The following PIEZO2 variants were observed in gnomAD, a reference collection of about 807,000 sequenced individuals.
The protein encoded by PIEZO2 is piezo-type mechanosensitive ion channel component 2.
A neutral mutation model predicts 337.3 loss-of-function variants in PIEZO2; 172 were observed. The observed-to-expected ratio is 0.51, with a 90% CI of 0.45 to 0.58. The LOEUF is 0.58. PIEZO2 is among the 20% of genes least tolerant of loss of function. PIEZO2 has a pLI of 0.00. For missense variants in PIEZO2, 3,028 were observed against 3,391.3 expected (o/e 0.89, Z 2.66); for synonymous variants, 1,251 against 1,228.5 (o/e 1.02, Z -0.38).
intron 52 of PIEZO2, among the ~76,000 whole-genome samples, chr18:10,678,441 T>A (rs569961): frequency 0.78 from 118,047 of 152,000 alleles, 46,073 homozygotes; most frequent in Admixed American, 0.81. Flanking sequence ...CCCCACTTTG[T>A]ATTTTTTTTA....
In PIEZO2 at chr18:11,078,286, A is replaced by T. The variant is rs1164306486; in HGVS notation, c.65-12064T>A. 6.6e-6 allele frequency among the ~76,000 whole-genome samples: 1 copy of T among 152,212 alleles called. No homozygotes were observed. The highest frequency in any genetic ancestry group is 1.5e-5 in the Non-Finnish European group (1 of 68,032). Reference sequence around the variant, plus strand: ...CTACTTTCAAGAACTTAGTAAAAATAGAATTTTTTGTAGACTTTTACTGTA... The same window carrying T: ...CTACTTTCAAGAACTTAGTAAAAATTGAATTTTTTGTAGACTTTTACTGTA... On this transcript the variant is annotated intron_variant, in intron 1 of 55. Transcript: ENST00000674853. The surrounding 1 kb of genome is among the most constrained non-coding windows in gnomAD (Gnocchi z 5.3).
At chr18:10,842,833 TAAG>T (rs578099602) in intron 7 of PIEZO2, among the ~76,000 whole-genome samples, 3 of 152,352 alleles carry the variant, frequency 2.0e-5, no homozygotes, top group Non-Finnish European at 2.9e-5. Context: ...ATAAAGCTGT[TAAG>T]AAAAACTCAA....
rs2038352753 is a variant in PIEZO2, at chr18:10,766,286, AG to A, written c.2947-3189del. Among the ~76,000 whole-genome samples the A allele has an allele frequency of 6.6e-6, 1 of 151,266 alleles. No homozygotes were observed. Among genetic ancestry groups the A allele is most frequent in the Admixed American group, 6.6e-5 (1 of 15,140 alleles). On this transcript the variant is annotated intron_variant, in intron 21 of 55. Transcript: ENST00000674853. The surrounding 1 kb of genome is among the most constrained non-coding windows in gnomAD (Gnocchi z 6.1). Reference sequence around the variant, plus strand: ...GAGGAAGGAGAAAAGGGGAGAGAGAAGGGGAAGCAGAAAGGAGGGGAAGGGG... The same window carrying A: ...GAGGAAGGAGAAAAGGGGAGAGAGAAGGGAAGCAGAAAGGAGGGGAAGGGG...
intron 2 of PIEZO2, among the ~76,000 whole-genome samples, chr18:11,058,633 A>T (rs1344921991): frequency 6.6e-6 from 1 of 152,242 alleles, no homozygotes; most frequent in Non-Finnish European, 1.5e-5. Flanking sequence ...TGAATGCACA[A>T]GCTTCAGTAG....
At chr18:11,075,851 C>G (rs1316681756) in intron 1 of PIEZO2, among the ~76,000 whole-genome samples, 1 of 147,268 alleles carries the variant, frequency 6.8e-6, no homozygotes, top group East Asian at 2.0e-4. Context: ...TGCAGTGGCG[C>G]GATCTCCGCT....
intron 5 of PIEZO2, among the ~76,000 whole-genome samples, chr18:10,865,940 T>G (rs973220561): frequency 6.6e-6 from 1 of 152,186 alleles, no homozygotes; most frequent in African/African-American, 2.4e-5. Flanking sequence ...GCAATTCAAA[T>G]GCATGAAATC....
At chr18:10,871,873 C>T (rs1306958458) in intron 4 of PIEZO2, among the ~76,000 whole-genome samples, 1 of 152,096 alleles carries the variant, frequency 6.6e-6, no homozygotes, top group Admixed American at 6.6e-5. Context: ...ATTTTGTATA[C>T]TTGGTTGATT....
chr18:11,053,367 A>AC (rs1360915603), intron 2 of PIEZO2, among the ~76,000 whole-genome samples: 1 of 152,224 alleles, frequency 6.6e-6, no homozygotes, highest in Admixed American at 6.5e-5. Context: ...GGCTATAGTC[A>AC]CACAAATGAG....
intron 2 of PIEZO2, among the ~76,000 whole-genome samples, chr18:10,997,729 A>G (rs1357973269): frequency 1.3e-5 from 2 of 152,208 alleles, no homozygotes; most frequent in African/African-American, 4.8e-5. Context: ...TCTGAAGAAC[A>G]GAGAGCAAAA....
At chr18:10,928,354 G>A (rs1027827352) in intron 3 of PIEZO2, among the ~76,000 whole-genome samples, 3 of 152,140 alleles carry the variant, frequency 2.0e-5, no homozygotes, top group Non-Finnish European at 4.4e-5. Flanking sequence ...CAAGCAAAGA[G>A]GGGCTGTTGG....
At chr18:10,711,784 C>T (rs896514547) in intron 39 of PIEZO2, among the ~76,000 whole-genome samples, 8 of 152,104 alleles carry the variant, frequency 5.3e-5, no homozygotes, top group South Asian at 2.1e-4. Flanking sequence ...TTCTTCACCG[C>T]GCAGGAGGAA....
intron 3 of PIEZO2, among the ~76,000 whole-genome samples, chr18:10,923,763 C>A (rs1022893741): frequency 2.6e-5 from 4 of 152,156 alleles, no homozygotes; most frequent in African/African-American, 9.7e-5. Flanking sequence ...AAATGAAGTA[C>A]CCATGCCTGC....
At chr18:10,681,559 TC>T in intron 51 of PIEZO2, 101 bp downstream of exon 51, 1 of 941,238 alleles carries the variant, frequency 1.1e-6, no homozygotes, top group East Asian at 2.4e-5. Context: ...TGAAAAGTCC[TC>T]CTTCCCACCA....
At chr18:11,147,817 C>T (rs1040575329) in intron 1 of PIEZO2, among the ~76,000 whole-genome samples, 1 of 152,258 alleles carries the variant, frequency 6.6e-6, no homozygotes, top group Non-Finnish European at 1.5e-5. Context: ...GGCTCCCTTG[C>T]GGTCCTCCCT....
rs564405296 is a variant in PIEZO2 at position 10,799,965 on chromosome 18, T to C, written c.1378+372A>G. Among the ~76,000 whole-genome samples, 8 of 86,794 alleles carry C rather than the reference T, an allele frequency of 9.2e-5. No individual in the cohort carries two copies. In the Admixed American group the frequency reaches 9.7e-4, roughly 10 times the overall value. The allele number at this position is 86,794 out of a possible 152,430, so 56.9% of individuals were successfully genotyped here. On this transcript the variant is annotated intron_variant, in intron 11 of 55. Coordinates refer to ENST00000674853, the MANE Select transcript of PIEZO2 (RefSeq NM_001378183.1). ...TCCAGCCTGGGAGACAGAGCGAGAC[T>C]CTGTCTCAAAAAAAAAAAAAAAAAA...
intron 39 of PIEZO2, among the ~76,000 whole-genome samples, chr18:10,714,126 A>G (rs545019036): frequency 7.2e-5 from 11 of 152,118 alleles, no homozygotes; most frequent in Non-Finnish European, 1.2e-4. Context: ...CCTGTAACCG[A>G]ATTCTGTCTT....
chr18:10,895,057 T>A lies in PIEZO2; in HGVS notation c.329+16129A>T, dbSNP rs1179806650. On this transcript the variant is annotated intron_variant, in intron 4 of 55. Coordinates refer to ENST00000674853, the MANE Select transcript of PIEZO2 (RefSeq NM_001378183.1). This position sits in a 1 kb window ranked among gnomAD's most constrained non-coding sequence, Gnocchi z 4.8. ...CATGGTCATTCCTCCCCCTGAAGCC[T>A]CAGTGGGCTGTCATTTGCCCAGAGG... Among the ~76,000 whole-genome samples the A allele has an allele frequency of 6.6e-6, 1 of 152,222 alleles. No homozygotes were observed. Among genetic ancestry groups the A allele is most frequent in the East Asian group, 1.9e-4 (1 of 5,190 alleles).
chr18:10,913,076 A>C (rs543566531), intron 3 of PIEZO2, among the ~76,000 whole-genome samples: 1 of 152,206 alleles, frequency 6.6e-6, no homozygotes, highest in East Asian at 1.9e-4. Context: ...TCACATGCAA[A>C]ACAATTAAGA....
In PIEZO2 at chr18:11,035,986, G is replaced by A. The variant is rs1373115457; in HGVS notation, c.160+30141C>T. 6.6e-6 allele frequency among the ~76,000 whole-genome samples: 1 copy of A among 152,162 alleles called. No homozygotes were observed. Among genetic ancestry groups the A allele is most frequent in the East Asian group, 1.9e-4 (1 of 5,188 alleles). On this transcript the variant is annotated intron_variant, in intron 2 of 55. Coordinates refer to ENST00000674853, the MANE Select transcript of PIEZO2 (RefSeq NM_001378183.1). The surrounding 1 kb of genome is among the most constrained non-coding windows in gnomAD (Gnocchi z 4.3). ...CTTGAAGCACAGGTGCTCAGTTGGG[G>A]CACACCTTGGAGTCACCTGGGATCT... is the stretch of plus-strand genomic sequence containing the variant.
Sources: allele counts gnomAD v4.1 joint callset (sites outside exome capture counted in the v4.1 genomes callset), GRCh38; gene constraint gnomAD v4.1.1; non-coding constraint Gnocchi (gnomAD v3.1); transcripts MANE v1.5; gene names NCBI Gene and HGNC (gene_info 2026-07-23, HGNC 2026-07-21).